SMAP2: variants seen among roughly 807,000 people sequenced by gnomAD.
SMAP2 encodes stromal membrane-associated protein 2.
A neutral mutation model predicts 56.4 loss-of-function variants in SMAP2; 25 were observed. That is an observed-to-expected ratio of 0.44 (90% CI 0.32 to 0.62). The LOEUF (loss-of-function observed/expected upper bound fraction) is 0.62, where lower values mean the gene tolerates loss of function less well. SMAP2 is among the 20% of genes least tolerant of loss of function. The probability of loss-of-function intolerance (pLI) is 0.04; values close to 1 mark genes in which losing one functional copy is unlikely to be tolerated. For synonymous variants in SMAP2, 157 were observed against 181.7 expected (o/e 0.86, Z 1.09); for missense variants, 388 against 545.6 (o/e 0.71, Z 2.88).
chr1:40,411,689 A>T (rs1303699123), intron 4 of SMAP2, among the ~76,000 whole-genome samples: 1 of 152,262 alleles, frequency 6.6e-6, no homozygotes, highest in Non-Finnish European at 1.5e-5. Flanking sequence ...TTAATATCAA[A>T]TGAAAAGAAA....
rs71060369 is a variant in SMAP2 at position 40,345,966 on chromosome 1, C to CTTTT, written c.-83+1081_-83+1084dup. On this transcript the variant is annotated intron_variant, in intron 1 of 6. Transcript: ENST00000435168. ...GTCTTCAGACCTGGTATTTCTATCACTTTTTTTTTTTTTTTTTTTTTTTTT... is the reference window on the plus strand; with the variant it reads ...GTCTTCAGACCTGGTATTTCTATCACTTTTTTTTTTTTTTTTTTTTTTTTTTTTT... Among the ~76,000 whole-genome samples the CTTTT allele has an allele frequency of 2.6e-4, 9 of 35,292 alleles. 4 individuals are homozygous for CTTTT. The highest frequency in any genetic ancestry group is 4.0e-3 in the East Asian group (2 of 502). 23.2% of individuals were successfully genotyped at this position (35,292 alleles called of 152,430 possible). A position where few individuals can be genotyped will look rare whatever the true frequency, so the allele number is the denominator to read the frequency against.
At chr1:40,388,198 A>G (rs1459038908) in intron 1 of SMAP2, among the ~76,000 whole-genome samples, 1 of 151,898 alleles carries the variant, frequency 6.6e-6, no homozygotes, top group Admixed American at 6.5e-5. Flanking sequence ...GCTCCACGGC[A>G]CCCGGTCCCA....
At chr1:40,350,378 G>A (rs183437411) in intron 1 of SMAP2, among the ~76,000 whole-genome samples, 44 of 152,306 alleles carry the variant, frequency 2.9e-4, no homozygotes, top group Non-Finnish European at 5.3e-4. Flanking sequence ...GCGTGCACGA[G>A]GAAGAGTGCA....
intron 1 of SMAP2, among the ~76,000 whole-genome samples, chr1:40,400,408 G>A (rs1179711016): frequency 6.6e-6 from 1 of 152,188 alleles, no homozygotes; most frequent in East Asian, 1.9e-4. Context: ...AATGGTTTTG[G>A]TTTGGGCTCA....
chr1:40,387,045 G>T (rs2124255313), intron 1 of SMAP2, among the ~76,000 whole-genome samples: 1 of 152,024 alleles, frequency 6.6e-6, no homozygotes, highest in South Asian at 2.1e-4. Context: ...TACAGACAGG[G>T]TTTTGCCATG....
At chr1:40,371,329 A>G (rs981686502), upstream of SMAP2, among the ~76,000 whole-genome samples, 1 of 152,144 alleles carries the variant, frequency 6.6e-6, no homozygotes, top group African/African-American at 2.4e-5. Context: ...TGCTTTGTTT[A>G]TATCCTCAGA....
chr1:40,384,207 C>T (rs1644631252), intron 1 of SMAP2, among the ~76,000 whole-genome samples: 1 of 152,132 alleles, frequency 6.6e-6, no homozygotes, highest in Admixed American at 6.5e-5. Flanking sequence ...CGGGCCTCAG[C>T]TCAGTGTTTT....
chr1:40,405,998 C>T (rs553314205), intron 1 of SMAP2, among the ~76,000 whole-genome samples: 2 of 152,186 alleles, frequency 1.3e-5, no homozygotes, highest in South Asian at 4.1e-4. Flanking sequence ...TAAGTTAATG[C>T]GAATGCATAT....
At chr1:40,352,866 A>G (rs909863785) in intron 1 of SMAP2, among the ~76,000 whole-genome samples, 1 of 152,172 alleles carries the variant, frequency 6.6e-6, no homozygotes, top group Non-Finnish European at 1.5e-5. Flanking sequence ...TTATTTTAGC[A>G]TGATGTGTAA....
intron 1 of SMAP2, among the ~76,000 whole-genome samples, chr1:40,403,454 A>C (rs182804532): frequency 0.01 from 1,571 of 152,276 alleles, 30 homozygotes; most frequent in African/African-American, 0.037. Context: ...GCAGTGAGCC[A>C]AAATCACGCC....
intron 2 of SMAP2, among the ~76,000 whole-genome samples, chr1:40,366,166 G>A (rs1644480402): frequency 5.3e-5 from 8 of 152,024 alleles, no homozygotes; most frequent in Admixed American, 5.2e-4. Context: ...AGAGTAAAAA[G>A]AAATGAGCAA....
chr1:40,383,574 A>T (rs553613939), intron 1 of SMAP2, among the ~76,000 whole-genome samples: 102 of 152,318 alleles, frequency 6.7e-4, no homozygotes, highest in African/African-American at 2.1e-3. Flanking sequence ...CTTCTAAAGG[A>T]TCTTGACTGT....
intron 1 of SMAP2, among the ~76,000 whole-genome samples, chr1:40,351,554 G>A (rs1644408840): frequency 6.6e-6 from 1 of 151,816 alleles, no homozygotes; most frequent in Non-Finnish European, 1.5e-5. Context: ...GTCCAGGCTG[G>A]AGTGCGATGG....
chr1:40,378,881 A>T (rs1273546382), intron 1 of SMAP2, among the ~76,000 whole-genome samples: 1 of 152,220 alleles, frequency 6.6e-6, no homozygotes, highest in Non-Finnish European at 1.5e-5. Flanking sequence ...CCAAAGGGGA[A>T]TATGTACGGT....
At chr1:40,354,875 C>T (rs1226265253) in intron 1 of SMAP2, among the ~76,000 whole-genome samples, 1 of 148,412 alleles carries the variant, frequency 6.7e-6, no homozygotes. Context: ...CCTCCACCTC[C>T]CGGGTTCAAG....
At chr1:40,371,285 CA>C (rs530991506), upstream of SMAP2, among the ~76,000 whole-genome samples, 674 of 146,354 alleles carry the variant, frequency 4.6e-3, 7 homozygotes, top group African/African-American at 0.013. Context: ...TTCAAGACTT[CA>C]AAAAAAAAAA....
intron 1 of SMAP2, among the ~76,000 whole-genome samples, chr1:40,399,252 C>G (rs961164528): frequency 6.6e-6 from 1 of 151,316 alleles, no homozygotes; most frequent in Admixed American, 6.6e-5. Context: ...TCACGTGATT[C>G]TCCTGCCTTA....
At chr1:40,403,309 C>G (rs1318642576) in intron 1 of SMAP2, among the ~76,000 whole-genome samples, 1 of 152,116 alleles carries the variant, frequency 6.6e-6, no homozygotes, top group Non-Finnish European at 1.5e-5. Context: ...AGTTTGAGAC[C>G]AGCCTGGCCA....
At chr1:40,356,549 T>C (rs146565683) in intron 1 of SMAP2, among the ~76,000 whole-genome samples, 2,658 of 152,180 alleles carry the variant, frequency 0.017, 38 homozygotes, top group Non-Finnish European at 0.029. Flanking sequence ...TAGCTGGGAC[T>C]ACAGGCACCT....
Sources: allele counts gnomAD v4.1 joint callset (sites outside exome capture counted in the v4.1 genomes callset), GRCh38; gene constraint gnomAD v4.1.1; transcripts MANE v1.5; gene names NCBI Gene and HGNC (gene_info 2026-07-23, HGNC 2026-07-21).